The following CIAO3 variants were observed in gnomAD, a reference collection of about 807,000 sequenced individuals.
CIAO3 encodes the protein LET1 like/JFP15.
A neutral mutation model predicts 51.5 loss-of-function variants in CIAO3; 45 were observed. That is an observed-to-expected ratio of 0.87 (90% CI 0.69 to 1.12). The LOEUF (loss-of-function observed/expected upper bound fraction) is 1.12, where lower values mean the gene tolerates loss of function less well. CIAO3 is among the 50% of genes most tolerant of loss of function. CIAO3 has a pLI of 0.00. For missense variants in CIAO3, 668 were observed against 632.5 expected (o/e 1.06, Z -0.60); for synonymous variants, 314 against 269.3 (o/e 1.17, Z -1.63).
intron 7 of CIAO3, chr16:733,097 T>C: frequency 1.6e-6 from 1 of 614,774 alleles, no homozygotes; most frequent in Non-Finnish European, 2.8e-6. Flanking sequence ...GCCACCTGGC[T>C]GCAGGTCCCC....
At chr16:740,478 G>A (rs781372511) in intron 1 of CIAO3, 57 of 297,092 alleles carry the variant, frequency 1.9e-4, no homozygotes, top group Non-Finnish European at 3.7e-4. Flanking sequence ...TGGCTTGGGG[G>A]TCCTGAGGCC....
chr16:733,287 C>A lies in CIAO3; in HGVS notation c.823+11G>T, dbSNP rs375175458. 6 of 1,612,804 alleles carry A rather than the reference C, an allele frequency of 3.7e-6. No individual in the cohort carries two copies. The East Asian group carries it at 1.3e-4, about 36-fold the overall frequency. The stretch of plus-strand genomic sequence containing the variant: ...GGCTTGAGGGCTCAGGGCCGCACGG[C>A]GTGACCGCACCTGTTGTGAGGACAC... On this transcript the variant is annotated intron_variant, in intron 7 of 10. Coordinates refer to ENST00000251588, the MANE Select transcript of CIAO3 (RefSeq NM_022493.3).
At chr16:732,441 A>G in intron 7 of CIAO3, 68 bp from the exon 8 acceptor site, 1 of 1,551,054 alleles carries the variant, frequency 6.4e-7, no homozygotes, top group African/African-American at 1.4e-5. Context: ...AGAACATCCA[A>G]GCCACCTGCA....
Position 730,067 on chromosome 16 carries a change from A to C in CIAO3, c.*350T>G, listed in dbSNP as rs1596667546. On this transcript the variant is annotated 3_prime_UTR_variant, in exon 11 of 11. Transcript: ENST00000251588. ...AACCCGTCTTGCTCTGCCTCAGGCA[A>C]CCCCGGGACAGGCTGAAGCCCCTCA... is the stretch of plus-strand genomic sequence containing the variant. 1 of 409,582 alleles carries C rather than the reference A, an allele frequency of 2.4e-6. No individual in the cohort carries two copies. Among genetic ancestry groups the C allele is most frequent in the Non-Finnish European group, 4.5e-6 (1 of 223,200 alleles). The allele number at this position is 409,582 out of a possible 1,614,324, so 25.4% of individuals were successfully genotyped here.
intron 3 of CIAO3, 80 bp from the exon 4 acceptor site, chr16:736,478 C>A: frequency 6.4e-7 from 1 of 1,571,654 alleles, no homozygotes; most frequent in Non-Finnish European, 8.7e-7. Flanking sequence ...CGGTGAGATG[C>A]TGTCAGCTGT....
In CIAO3 at chr16:730,353, T is replaced by C. The variant is rs550330211; in HGVS notation, c.*64A>G. ...AATTTTGGGGGAAGCCCTGGGGTCT[T>C]GGGGCATGTGGTTCTGCTGTCACAC... On this transcript the variant is annotated 3_prime_UTR_variant, in exon 11 of 11. Coordinates refer to ENST00000251588, the MANE Select transcript of CIAO3 (RefSeq NM_022493.3). The C allele has an allele frequency of 4.0e-6, 6 of 1,499,106 alleles. No homozygotes were observed. The highest frequency in any genetic ancestry group is 2.7e-5 in the African/African-American group (2 of 73,036). The allele number at this position is 1,499,106 out of a possible 1,614,324, so 92.9% of individuals were successfully genotyped here. A position where few individuals can be genotyped will look rare whatever the true frequency, so the allele number is the denominator to read the frequency against.
chr16:738,268 C>T (rs1324101685), intron 2 of CIAO3: 9 of 987,054 alleles, frequency 9.1e-6, no homozygotes, highest in South Asian at 4.7e-5. Flanking sequence ...GGCTGGAAAT[C>T]GTCTCTTGGT....
intron 5 of CIAO3, 53 bp downstream of exon 5, chr16:734,684 C>G (rs560537193): frequency 1.2e-6 from 2 of 1,612,552 alleles, no homozygotes; most frequent in African/African-American, 2.7e-5. Flanking sequence ...TATCACCTCA[C>G]GTTTCAACTG....
At chr16:740,852 G>T in intron 1 of CIAO3, 68 bp downstream of exon 1, 1 of 1,427,892 alleles carries the variant, frequency 7.0e-7, no homozygotes, top group South Asian at 1.2e-5. Context: ...GTGGGGCGCA[G>T]AGCAATTTCC....
At position 738,120 on chromosome 16, in the gene CIAO3, C is replaced by T. The variant is rs1048531256; in HGVS notation, c.163-791G>A. On this transcript the variant is annotated intron_variant, in intron 2 of 10. Transcript: ENST00000251588. ...GTTGGTTCTGCCCCAAGGCACAAAG[C>T]CTTGCCTGCCACAGGGTGCTGGGCA... is the stretch of plus-strand genomic sequence containing the variant. The T allele has an allele frequency of 2.3e-5, 23 of 1,019,774 alleles. No homozygotes were observed. In the South Asian group the frequency reaches 2.6e-4, roughly 11 times the overall value. The allele number at this position is 1,019,774 out of a possible 1,614,324, so 63.2% of individuals were successfully genotyped here.
intron 1 of CIAO3, 48 bp downstream of exon 1, chr16:740,872 A>G (rs1211026672): frequency 6.7e-7 from 1 of 1,496,296 alleles, no homozygotes; most frequent in South Asian, 1.2e-5. Context: ...CCTCCGCGCG[A>G]CAGGGCACCG....
At chr16:734,902 C>G in intron 4 of CIAO3, 31 bp from the exon 5 acceptor site, 1 of 1,522,582 alleles carries the variant, frequency 6.6e-7, no homozygotes, top group South Asian at 1.3e-5. Context: ...CCTGGTTAAC[C>G]CCATGCGGGA....
chr16:735,729 G>A (rs367652382), intron 4 of CIAO3, among the ~76,000 whole-genome samples: 3 of 152,202 alleles, frequency 2.0e-5, no homozygotes, highest in African/African-American at 7.2e-5. Context: ...GGACACAGCT[G>A]GATGACAGGC....
Position 737,546 on chromosome 16 carries a change from G to T in CIAO3, c.163-217C>A. ...CAAGTCTGCTTCTTGGTACCACTTG[G>T]TTAGTGCATCCGAATCACAGGACTA... On this transcript the variant is annotated intron_variant, in intron 2 of 10. Coordinates refer to ENST00000251588, the MANE Select transcript of CIAO3 (RefSeq NM_022493.3). The surrounding 1 kb of genome is among the most constrained non-coding windows in gnomAD (Gnocchi z 5.3). 1 of 1,505,684 alleles carries T rather than the reference G, an allele frequency of 6.6e-7. No homozygotes were observed. The highest frequency in any genetic ancestry group is 2.6e-5 in the East Asian group (1 of 38,354). The allele number at this position is 1,505,684 out of a possible 1,614,324, so 93.3% of individuals were successfully genotyped here.
rs956732494 is a variant in CIAO3 at position 731,665 on chromosome 16, G to A, written c.934C>T (p.Arg312Trp). 3.2e-6 allele frequency: 5 copies of A among 1,557,680 alleles called. No homozygotes were observed. Among genetic ancestry groups the A allele is most frequent in the Non-Finnish European group, 2.6e-6 (3 of 1,152,024 alleles). The stretch of plus-strand genomic sequence containing the variant: ...AGGTAGCCCCCCGAGCCCCCTCCCC[G>A]ATGGCTGGTGGGCTCCTCTGCAGAG... ...GASAEEPTSH[R>W]GGGSGGYLEH... The change falls in exon 9 of 11, where the codon CGG becomes TGG. Residue 312 changes from arginine (R) to tryptophan (W), a missense_variant. Arg to Trp is a moderately radical substitution (Grantham distance 101). Coordinates refer to ENST00000251588, the MANE Select transcript of CIAO3 (RefSeq NM_022493.3).
Position 730,410 on chromosome 16 carries a change from G to A in CIAO3, c.*7C>T, listed in dbSNP as rs565845109. 21 of 1,599,216 alleles carry A rather than the reference G, an allele frequency of 1.3e-5. No individual in the cohort carries two copies. In the East Asian group the frequency reaches 4.5e-4, roughly 34 times the overall value. ...ACGGCCTCCTGGGAGTCCTGGTCCT[G>A]CAGCCCCTACCACCGGATGCCCAGG... On this transcript the variant is annotated 3_prime_UTR_variant, in exon 11 of 11. Coordinates refer to ENST00000251588, the MANE Select transcript of CIAO3 (RefSeq NM_022493.3).
In CIAO3 at chr16:731,600, T is replaced by G; in HGVS notation, c.999A>C (p.Gly333=). ...VFRHAARELF[G]IHVAEVTYKP... ...TGTAGGTAACCTCAGCCACATGGAT[T>G]CCAAAGAGCTCTCGGGCCGCGTGCC... The change falls in exon 9 of 11, where the codon GGA becomes GGC. Residue 333 remains glycine, a synonymous_variant. Coordinates refer to ENST00000251588, the MANE Select transcript of CIAO3 (RefSeq NM_022493.3). The G allele has an allele frequency of 6.4e-6, 10 of 1,566,206 alleles. No homozygotes were observed. The highest frequency in any genetic ancestry group is 8.7e-6 in the Non-Finnish European group (10 of 1,155,982).
Position 730,446 on chromosome 16 carries a change from CCTT to C in CIAO3, c.1399_1401del (p.Lys467del). 6.2e-7 allele frequency: 1 copy of C among 1,604,826 alleles called. No individual in the cohort carries two copies. The highest frequency in any genetic ancestry group is 8.5e-7 in the Non-Finnish European group (1 of 1,179,922). ...CACCGGATGCCCAGGCCAGTGCTGG[CCTT>C]CTCCACGGCGTGGTACTGCGTATGC... On this transcript the variant is annotated inframe_deletion, in exon 11 of 11. Transcript: ENST00000251588.
chr16:732,451 A>C, intron 7 of CIAO3, 78 bp from the exon 8 acceptor site: 3 of 1,523,188 alleles, frequency 2.0e-6, no homozygotes, highest in Non-Finnish European at 2.7e-6. Flanking sequence ...AGCCACCTGC[A>C]TCCCCAGCAG....
Sources: gnomAD v4.1 joint callset for allele counts (sites outside exome capture counted in the v4.1 genomes callset) on GRCh38, gnomAD v4.1.1 for gene constraint, Gnocchi (gnomAD v3.1) non-coding constraint, MANE v1.5 for transcripts, NCBI Gene and HGNC (gene_info 2026-07-23, HGNC 2026-07-21) for gene names.